PARD3B: variants seen among roughly 807,000 people sequenced by gnomAD.
PARD3B encodes the protein par-3 family cell polarity regulator beta.
Under a neutral mutation model 130.2 loss-of-function variants are expected in PARD3B, and 103 were observed. The ratio of observed to expected loss-of-function variants is 0.79; its 90% CI spans 0.67 to 0.93. The LOEUF is 0.93. Ranked by LOEUF, PARD3B falls within the 40% of genes least tolerant of loss-of-function variation. PARD3B has a pLI of 0.00. For missense variants in PARD3B, 1,609 were observed against 1,499.2 expected (o/e 1.07, Z -1.21); for synonymous variants, 583 against 553.2 (o/e 1.05, Z -0.76).
intron 1 of PARD3B, among the ~76,000 whole-genome samples, chr2:204,550,077 A>ATATAT (rs745418353): frequency 5.3e-5 from 8 of 152,354 alleles, no homozygotes; most frequent in Non-Finnish European, 1.2e-4. Context: ...CATTTTATAT[A>ATATAT]GACAGTTGTC....
intron 10 of PARD3B, among the ~76,000 whole-genome samples, chr2:205,136,489 A>G (rs560554265): frequency 6.6e-6 from 1 of 152,306 alleles, no homozygotes; most frequent in African/African-American, 2.4e-5. Context: ...CATTCGTCCC[A>G]TAAATATTGG....
At chr2:205,233,847 G>A (rs1216436605) in intron 15 of PARD3B, among the ~76,000 whole-genome samples, 1 of 152,158 alleles carries the variant, frequency 6.6e-6, no homozygotes, top group Non-Finnish European at 1.5e-5. Context: ...AGTGACAACA[G>A]AATGGTTATG....
chr2:204,572,514 G>T (rs2032056664), intron 1 of PARD3B, among the ~76,000 whole-genome samples: 1 of 152,138 alleles, frequency 6.6e-6, no homozygotes, highest in South Asian at 2.1e-4. Flanking sequence ...TGATAAATCT[G>T]ACCACTAGTT....
intron 4 of PARD3B, among the ~76,000 whole-genome samples, chr2:205,071,136 A>G (rs1401432777): frequency 2.0e-5 from 3 of 152,202 alleles, no homozygotes; most frequent in African/African-American, 7.2e-5. Context: ...TTTCATAAAT[A>G]CAGTGTGTGC....
At chr2:205,177,370 A>G (rs1378084828) in intron 13 of PARD3B, among the ~76,000 whole-genome samples, 1 of 152,198 alleles carries the variant, frequency 6.6e-6, no homozygotes, top group Non-Finnish European at 1.5e-5. Flanking sequence ...GGACTTTTTA[A>G]TGAAAATATT....
chr2:205,063,544 G>A (rs1353984146), intron 4 of PARD3B, among the ~76,000 whole-genome samples: 1 of 152,050 alleles, frequency 6.6e-6, no homozygotes, highest in African/African-American at 2.4e-5. Context: ...TAACTCAGCA[G>A]TTGATTCAGT....
rs2036653349 is a variant in PARD3B at position 204,678,347 on chromosome 2, A to G, written c.121-7834A>G. Reference sequence around the variant, plus strand: ...CTTTTGGTTGTTGCCTTCAACAGAGAGCTAAGCCTTAACCAGCTCAGTGGA... The same window carrying G: ...CTTTTGGTTGTTGCCTTCAACAGAGGGCTAAGCCTTAACCAGCTCAGTGGA... On this transcript the variant is annotated intron_variant, in intron 1 of 22. Transcript: ENST00000406610. The surrounding 1 kb of genome is among the most constrained non-coding windows in gnomAD (Gnocchi z 4.2). Among the ~76,000 whole-genome samples, 1 of 152,098 alleles carries G rather than the reference A, an allele frequency of 6.6e-6. No individual in the cohort carries two copies. The highest frequency in any genetic ancestry group is 1.5e-5 in the Non-Finnish European group (1 of 68,034).
intron 2 of PARD3B, among the ~76,000 whole-genome samples, chr2:204,729,410 G>A (rs774669663): frequency 3.9e-4 from 60 of 152,116 alleles, no homozygotes; most frequent in Admixed American, 2.0e-4. Flanking sequence ...GCTTTTGTAG[G>A]TGTTAACTGG....
intron 5 of PARD3B, among the ~76,000 whole-genome samples, chr2:205,108,509 C>T (rs537986550): frequency 4.0e-5 from 6 of 151,406 alleles, no homozygotes; most frequent in Non-Finnish European, 7.4e-5. Context: ...CACCTTCCTC[C>T]CTCCCTCCCT....
intron 15 of PARD3B, among the ~76,000 whole-genome samples, chr2:205,202,111 T>C (rs150006820): frequency 4.5e-4 from 68 of 152,256 alleles, no homozygotes; most frequent in African/African-American, 1.6e-3. Context: ...AAAACCAACA[T>C]TTGGATTAAC....
At chr2:205,203,213 A>G (rs540459025) in intron 15 of PARD3B, among the ~76,000 whole-genome samples, 2 of 152,278 alleles carry the variant, frequency 1.3e-5, no homozygotes, top group Admixed American at 6.5e-5. Flanking sequence ...ACCTCTGTGT[A>G]CTTAGAACAT....
intron 2 of PARD3B, among the ~76,000 whole-genome samples, chr2:204,899,562 G>T (rs2046783786): frequency 6.6e-6 from 1 of 151,898 alleles, no homozygotes; most frequent in Non-Finnish European, 1.5e-5. Context: ...GTTTCTATTT[G>T]TATCTTACTG....
chr2:205,220,353 G>T (rs1018551668), intron 15 of PARD3B, among the ~76,000 whole-genome samples: 1 of 152,044 alleles, frequency 6.6e-6, no homozygotes, highest in Non-Finnish European at 1.5e-5. Flanking sequence ...AAGATCTTAG[G>T]GTTCCTCATT....
intron 22 of PARD3B, among the ~76,000 whole-genome samples, chr2:205,614,126 G>T (rs867196114): frequency 7.2e-5 from 11 of 152,342 alleles, no homozygotes; most frequent in African/African-American, 2.6e-4. Context: ...GCTGCAAACA[G>T]AACTCATCTG....
rs1002557862 is a variant in PARD3B, at chr2:205,253,486, C to T, written c.2185+7664C>T. The T allele has an allele frequency of 4.1e-5, 23 of 557,200 alleles. No homozygotes were observed. The highest frequency in any genetic ancestry group is 6.5e-5 in the Non-Finnish European group (18 of 275,286). The allele number at this position is 557,200 out of a possible 1,614,324, so 34.5% of individuals were successfully genotyped here. On this transcript the variant is annotated intron_variant, in intron 16 of 22. Coordinates refer to ENST00000406610, the MANE Select transcript of PARD3B (RefSeq NM_001302769.2). The surrounding 1 kb of genome is among the most constrained non-coding windows in gnomAD (Gnocchi z 4.4). Reference sequence around the variant, plus strand: ...ATGGATGCAAAGAGACCAAACTTGGCGGGCACTGGAAGTACCTGGGGAAGC... The same window carrying T: ...ATGGATGCAAAGAGACCAAACTTGGTGGGCACTGGAAGTACCTGGGGAAGC...
intron 19 of PARD3B, among the ~76,000 whole-genome samples, chr2:205,409,090 G>A (rs183714697): frequency 9.7e-4 from 148 of 152,246 alleles, no homozygotes; most frequent in African/African-American, 3.4e-3. Flanking sequence ...AATCTTACTT[G>A]GTGGTGTTTC....
intron 18 of PARD3B, among the ~76,000 whole-genome samples, chr2:205,389,406 A>G (rs1356486669): frequency 3.3e-5 from 5 of 152,176 alleles, no homozygotes; most frequent in Non-Finnish European, 7.3e-5. Context: ...CTTGTCACCC[A>G]GGCTGGAGTG....
intron 2 of PARD3B, among the ~76,000 whole-genome samples, chr2:204,888,114 A>G (rs542046316): frequency 1.3e-5 from 2 of 152,282 alleles, no homozygotes; most frequent in African/African-American, 4.8e-5. Context: ...AGGCACAAGC[A>G]CCAGTTTTGC....
intron 18 of PARD3B, among the ~76,000 whole-genome samples, chr2:205,331,156 G>A: frequency 6.6e-6 from 1 of 151,912 alleles, no homozygotes; most frequent in East Asian, 1.9e-4. Context: ...GCAAACACAA[G>A]TTTACATACA....
Sources: allele counts gnomAD v4.1 joint callset (sites outside exome capture counted in the v4.1 genomes callset), GRCh38; gene constraint gnomAD v4.1.1; non-coding constraint Gnocchi (gnomAD v3.1); transcripts MANE v1.5; gene names NCBI Gene and HGNC (gene_info 2026-07-23, HGNC 2026-07-21).